The following PHF8 variants were observed in gnomAD, a reference collection of about 807,000 sequenced individuals.
The protein encoded by PHF8 is PHD finger protein 8.
A neutral mutation model predicts 74.4 loss-of-function variants in PHF8; 9 were observed. The observed-to-expected ratio is 0.12, with a 90% CI of 0.07 to 0.21. PHF8 has a LOEUF of 0.21. PHF8 is among the 10% of genes least tolerant of loss of function. PHF8 has a pLI of 1.00. For synonymous variants in PHF8, 311 were observed against 316.6 expected (o/e 0.98, Z 0.19); for missense variants, 478 against 816.6 (o/e 0.59, Z 5.05).
At chrX:54,016,867 GTGTT>G (rs1326768968) in intron 5 of PHF8, 131 bp from the exon 6 acceptor site, 9 of 528,239 alleles carry the variant, frequency 1.7e-5, no homozygotes, top group African/African-American at 1.2e-4. Flanking sequence ...ATATATGTGT[GTGTT>G]TGTTTGGGGG....
chrX:54,001,169 T>C (rs1265895626), intron 10 of PHF8, among the ~76,000 whole-genome samples: 1 of 110,398 alleles, frequency 9.1e-6, no homozygotes, highest in African/African-American at 3.3e-5. Context: ...CTACTAAAAA[T>C]ACAAAAATTA....
At chrX:53,949,668 C>T (rs969138576) in intron 19 of PHF8, among the ~76,000 whole-genome samples, 6 of 108,280 alleles carry the variant, frequency 5.5e-5, no homozygotes, top group East Asian at 2.9e-4. Flanking sequence ...AAAAATTAGC[C>T]GGGCGTGGTG....
chrX:54,010,803 T>TA (rs1181819345), intron 8 of PHF8, among the ~76,000 whole-genome samples: 2 of 111,204 alleles, frequency 1.8e-5, no homozygotes, highest in Non-Finnish European at 3.8e-5. Context: ...CATTCTGACT[T>TA]AGAGCCTAGA....
chrX:53,996,318 T>C (rs1302213405), intron 11 of PHF8, among the ~76,000 whole-genome samples: 3 of 110,749 alleles, frequency 2.7e-5, no homozygotes, highest in Non-Finnish European at 5.7e-5. Flanking sequence ...TTTCACCATG[T>C]TGGCCAGGCT....
chrX:53,964,737 C>T (rs781915966), intron 18 of PHF8, among the ~76,000 whole-genome samples: 11 of 109,436 alleles, frequency 1.0e-4, no homozygotes, highest in South Asian at 3.9e-4. Context: ...CGTGGTGGCG[C>T]GCACCTGTAA....
intron 20 of PHF8, 70 bp downstream of exon 20, chrX:53,944,064 A>T: frequency 1.6e-6 from 1 of 616,487 alleles, no homozygotes; most frequent in Non-Finnish European, 2.7e-6. Context: ...ATCAGCCTGC[A>T]GGTCTAAGTG....
upstream of PHF8, chrX:54,045,139 C>G: frequency 2.9e-6 from 1 of 348,556 alleles, no homozygotes; most frequent in Non-Finnish European, 5.0e-6. Flanking sequence ...TCTTCTTTGA[C>G]CCTACTGTTT....
rs1557103850 is a variant in PHF8 at position 53,999,966 on chromosome X, A to C, written c.1142-5T>G. The C allele has an allele frequency of 3.6e-6, 4 of 1,112,416 alleles. No individual in the cohort carries two copies. Among genetic ancestry groups the C allele is most frequent in the Non-Finnish European group, 5.0e-6 (4 of 805,877 alleles). The allele number at this position is 1,112,416 out of a possible 1,213,427, so 91.7% of individuals were successfully genotyped here. A position where few individuals can be genotyped will look rare whatever the true frequency, so the allele number is the denominator to read the frequency against. On this transcript the variant is annotated splice_polypyrimidine_tract_variant and splice_region_variant and intron_variant, in intron 10 of 21. Transcript: ENST00000338154. ...GTCTCCTGTTCTCTCGCAAACCTAA[A>C]GGAGGAAAGAGGAAAGCAGAGTGTC...
chrX:54,004,301 G>T (rs1603330475), intron 8 of PHF8, among the ~76,000 whole-genome samples: 1 of 108,662 alleles, frequency 9.2e-6, no homozygotes, highest in East Asian at 3.1e-4. Flanking sequence ...AACTATAAAA[G>T]AGAAAAGCAG....
intron 2 of PHF8, among the ~76,000 whole-genome samples, chrX:54,036,418 A>G (rs191429456): frequency 1.6e-3 from 172 of 108,378 alleles, no homozygotes; most frequent in African/African-American, 5.4e-3. Flanking sequence ...ACATACTTCT[A>G]TACTTCATGG....
intron 18 of PHF8, among the ~76,000 whole-genome samples, chrX:53,970,835 G>C (rs782326719): frequency 9.0e-6 from 1 of 111,572 alleles, no homozygotes; most frequent in Admixed American, 9.6e-5. Flanking sequence ...GGAGCACCCA[G>C]ATTCGTAAAG....
chrX:54,014,739 C>A (rs1557107580), intron 6 of PHF8, among the ~76,000 whole-genome samples, 176 bp from the exon 7 acceptor site: 1 of 111,321 alleles, frequency 9.0e-6, no homozygotes, highest in African/African-American at 3.3e-5. Context: ...TGGTCAGTAT[C>A]CTCATTCTAC....
At chrX:53,985,595 T>C (rs953631274) in intron 17 of PHF8, 1 of 574,525 alleles carries the variant, frequency 1.7e-6, no homozygotes. Flanking sequence ...TGCCCAAAAT[T>C]GATTCCTCTT....
At chrX:53,950,869 T>G (rs1448210890) in intron 19 of PHF8, among the ~76,000 whole-genome samples, 1 of 111,726 alleles carries the variant, frequency 9.0e-6, no homozygotes, top group Non-Finnish European at 1.9e-5. Context: ...CAACAAAAAA[T>G]TACAAGACAT....
At chrX:53,966,844 C>T (rs1277812200) in intron 18 of PHF8, among the ~76,000 whole-genome samples, 1 of 109,331 alleles carries the variant, frequency 9.1e-6, no homozygotes, top group Non-Finnish European at 1.9e-5. Flanking sequence ...TCTGCCCGGC[C>T]GCCCATCGTC....
At position 53,938,211 on chromosome X, in the gene PHF8, T is replaced by G. The variant is rs2064696046; in HGVS notation, c.*947A>C. 8.4e-6 allele frequency: 9 copies of G among 1,075,334 alleles called. No individual in the cohort carries two copies. The South Asian group carries it at 2.3e-4, about 28-fold the overall frequency. The allele number at this position is 1,075,334 out of a possible 1,213,427, so 88.6% of individuals were successfully genotyped here. ...ACCCTCCATAATGTCCAGGCTGTGC[T>G]CTGTGGTATAGGCGGAGCAAGCAGG... On this transcript the variant is annotated 3_prime_UTR_variant, in exon 22 of 22. Transcript: ENST00000338154.
At chrX:53,954,520 A>G (rs1378665378) in intron 19 of PHF8, among the ~76,000 whole-genome samples, 9 of 104,782 alleles carry the variant, frequency 8.6e-5, no homozygotes, top group East Asian at 2.9e-4. Context: ...AAAAAAAAAA[A>G]AAAAGAAAAG....
intron 19 of PHF8, among the ~76,000 whole-genome samples, chrX:53,948,073 A>C (rs1259024573): frequency 1.8e-5 from 2 of 111,891 alleles, no homozygotes; most frequent in Non-Finnish European, 3.8e-5. Flanking sequence ...ATACATGAAC[A>C]TAAGAAAATG....
intron 8 of PHF8, among the ~76,000 whole-genome samples, chrX:54,010,871 T>C (rs936932844): frequency 2.7e-5 from 3 of 111,262 alleles, no homozygotes; most frequent in African/African-American, 9.8e-5. Flanking sequence ...ATGTTCTCTG[T>C]TCACCCAGAT....
Sources: gnomAD v4.1 joint callset for allele counts (sites outside exome capture counted in the v4.1 genomes callset) on GRCh38, gnomAD v4.1.1 for gene constraint, MANE v1.5 for transcripts, NCBI Gene and HGNC (gene_info 2026-07-23, HGNC 2026-07-21) for gene names.